The following CSMD1 variants were observed in gnomAD, a reference collection of about 807,000 sequenced individuals.
CSMD1 encodes CUB and sushi domain-containing protein 1.
CSMD1 carries 213 observed loss-of-function variants against 417.5 expected under a neutral mutation model. The observed-to-expected ratio is 0.51, with a 90% CI of 0.46 to 0.57. The LOEUF is 0.57. Ranked by LOEUF, CSMD1 falls within the 20% of genes least tolerant of loss-of-function variation. CSMD1 has a pLI of 0.00. For missense variants in CSMD1, 6,923 were observed against 4,529.7 expected (o/e 1.53, Z -15.17); for synonymous variants, 2,862 against 1,736.8 (o/e 1.65, Z -16.11).
intron 3 of CSMD1, among the ~76,000 whole-genome samples, chr8:4,264,115 G>A (rs765606317): frequency 6.6e-6 from 1 of 152,120 alleles, no homozygotes; most frequent in Admixed American, 6.6e-5. Flanking sequence ...TAAATGGAGT[G>A]ACATTTGTAG....
At chr8:3,930,669 G>A (rs1433878042) in intron 5 of CSMD1, among the ~76,000 whole-genome samples, 4 of 150,174 alleles carry the variant, frequency 2.7e-5, no homozygotes, top group African/African-American at 9.8e-5. Flanking sequence ...GTACTGTCAT[G>A]GCAAAACTGC....
intron 5 of CSMD1, among the ~76,000 whole-genome samples, chr8:3,926,061 CACACACACACACAAACACCAT>C (rs1460443951): frequency 1.4e-5 from 2 of 138,602 alleles, no homozygotes; most frequent in East Asian, 4.2e-4. Flanking sequence ...TATACACACA[CACACACACACACAAACACCAT>C]ACACACACAC....
At chr8:3,827,517 G>A (rs1322554697) in intron 5 of CSMD1, among the ~76,000 whole-genome samples, 2 of 152,200 alleles carry the variant, frequency 1.3e-5, no homozygotes, top group East Asian at 3.9e-4. Flanking sequence ...TGACATCTAG[G>A]TTTCCCCAAG....
rs573839436 is a variant in CSMD1, at chr8:3,141,899, G to A, written c.6241+566C>T. On this transcript the variant is annotated intron_variant, in intron 41 of 69. Coordinates refer to ENST00000635120, the MANE Select transcript of CSMD1 (RefSeq NM_033225.6). ...TGCAAGCTCCGCCTCCCGGGTTCACGCCACTCTCCTGCCTCAGCCTCCCGA... is the reference window on the plus strand; with the variant it reads ...TGCAAGCTCCGCCTCCCGGGTTCACACCACTCTCCTGCCTCAGCCTCCCGA... Among the ~76,000 whole-genome samples, 83 of 150,908 alleles carry A rather than the reference G, an allele frequency of 5.5e-4. 1 individual carries two copies. Among genetic ancestry groups the A allele is most frequent in the East Asian group, 1.2e-3 (6 of 5,088 alleles).
At chr8:4,777,226 G>T (rs1585082111) in intron 1 of CSMD1, among the ~76,000 whole-genome samples, 1 of 152,174 alleles carries the variant, frequency 6.6e-6, no homozygotes, top group Non-Finnish European at 1.5e-5. Flanking sequence ...ACCATGCTGA[G>T]AAGCAGAGCA....
At chr8:4,633,751 G>C (rs1046101651) in intron 2 of CSMD1, among the ~76,000 whole-genome samples, 2 of 151,634 alleles carry the variant, frequency 1.3e-5, no homozygotes, top group Non-Finnish European at 2.9e-5. Context: ...GTGGAGACGG[G>C]GTTTCATCAT....
At chr8:3,809,955 G>A (rs1344907541) in intron 5 of CSMD1, among the ~76,000 whole-genome samples, 1 of 152,076 alleles carries the variant, frequency 6.6e-6, no homozygotes, top group Non-Finnish European at 1.5e-5. Flanking sequence ...ACTTACTCAA[G>A]GGCCTTCCAA....
chr8:4,108,183 A>G (rs1801670012), intron 3 of CSMD1, among the ~76,000 whole-genome samples: 1 of 152,182 alleles, frequency 6.6e-6, no homozygotes. Context: ...AAGTTGTATC[A>G]GACTCTATGG....
chr8:4,006,095 G>A (rs945610756), intron 4 of CSMD1, among the ~76,000 whole-genome samples: 2 of 152,182 alleles, frequency 1.3e-5, no homozygotes, highest in Admixed American at 1.3e-4. Context: ...AGATGCAACA[G>A]AAAGCACCAT....
chr8:3,820,214 G>C (rs1339890304), intron 5 of CSMD1, among the ~76,000 whole-genome samples: 3 of 152,082 alleles, frequency 2.0e-5, no homozygotes, highest in African/African-American at 7.2e-5. Context: ...TGTTTGTTGA[G>C]GTCAGGGGTC....
intron 1 of CSMD1, among the ~76,000 whole-genome samples, chr8:4,684,728 A>G (rs1806264139): frequency 6.6e-6 from 1 of 152,230 alleles, no homozygotes; most frequent in Admixed American, 6.5e-5. Flanking sequence ...GGATAGCTGT[A>G]AAAATATTTT....
chr8:3,158,201 T>A (rs988927173), intron 38 of CSMD1, among the ~76,000 whole-genome samples: 6 of 152,206 alleles, frequency 3.9e-5, no homozygotes, highest in African/African-American at 1.2e-4. Flanking sequence ...AATCTTGCAA[T>A]GTCCTTTTGA....
At chr8:4,690,879 T>C (rs1243826541) in intron 1 of CSMD1, among the ~76,000 whole-genome samples, 1 of 152,120 alleles carries the variant, frequency 6.6e-6, no homozygotes, top group Non-Finnish European at 1.5e-5. Flanking sequence ...TAGGTGCATG[T>C]CACCATGCCC....
At chr8:4,287,601 G>A (rs1797130546) in intron 3 of CSMD1, among the ~76,000 whole-genome samples, 1 of 151,878 alleles carries the variant, frequency 6.6e-6, no homozygotes, top group African/African-American at 2.4e-5. Context: ...CAGGGACCAG[G>A]TTAAGTACTT....
At chr8:4,326,648 C>A (rs10046758) in intron 3 of CSMD1, among the ~76,000 whole-genome samples, 1 of 151,842 alleles carries the variant, frequency 6.6e-6, no homozygotes, top group South Asian at 2.1e-4. Flanking sequence ...AAGCATCTAC[C>A]CAACGTTTCC....
intron 3 of CSMD1, among the ~76,000 whole-genome samples, chr8:4,050,908 T>C (rs2130691088): frequency 6.6e-6 from 1 of 152,206 alleles, no homozygotes; most frequent in East Asian, 1.9e-4. Flanking sequence ...TACCTTTACG[T>C]GAGTCTTGAA....
chr8:3,452,143 T>C (rs1470386877), intron 12 of CSMD1, among the ~76,000 whole-genome samples: 1 of 152,242 alleles, frequency 6.6e-6, no homozygotes, highest in African/African-American at 2.4e-5. Flanking sequence ...ATAAGAATGC[T>C]TGTGATTTTT....
At chr8:4,007,833 C>G (rs966449142) in intron 4 of CSMD1, among the ~76,000 whole-genome samples, 3 of 152,116 alleles carry the variant, frequency 2.0e-5, no homozygotes, top group African/African-American at 4.8e-5. Context: ...AAACCATATC[C>G]TCTCTAAGAA....
chr8:4,252,671 G>T (rs1320078177), intron 3 of CSMD1, among the ~76,000 whole-genome samples: 1 of 152,238 alleles, frequency 6.6e-6, no homozygotes, highest in Non-Finnish European at 1.5e-5. Context: ...AGGCTTTTAT[G>T]TGGAGTTAAC....
Sources: allele counts gnomAD v4.1 joint callset (sites outside exome capture counted in the v4.1 genomes callset), GRCh38; gene constraint gnomAD v4.1.1; transcripts MANE v1.5; gene names NCBI Gene and HGNC (gene_info 2026-07-23, HGNC 2026-07-21).